Variants in SYNJ1 observed in about 807,000 individuals in gnomAD.
SYNJ1 encodes the protein polyphosphatidylinositol phosphatase SYNJ1.
In SYNJ1, 78 loss-of-function variants were observed where a neutral mutation model predicts 168.2. That is an observed-to-expected ratio of 0.46 (90% CI 0.39 to 0.56). The LOEUF is 0.56. Among genes scored for constraint, SYNJ1 ranks in the 20% least tolerant of loss-of-function variants. The pLI, the probability that SYNJ1 is intolerant of heterozygous loss-of-function variation, is 0.00. For missense variants in SYNJ1, 1,303 were observed against 1,597.6 expected (o/e 0.82, Z 3.14); for synonymous variants, 539 against 548.6 (o/e 0.98, Z 0.24).
In SYNJ1 at chr21:32,665,717, G is replaced by A. The variant is rs376029715; in HGVS notation, c.2145+226C>T. 2.6e-5 allele frequency among the ~76,000 whole-genome samples: 4 copies of A among 152,248 alleles called. No individual in the cohort carries two copies. The East Asian group carries it at 7.7e-4, about 29-fold the overall frequency. ...GGCACATGTCATTCTGAATTCTGGA[G>A]GCTATATCATGGCCACATCCTTAAC... On this transcript the variant is annotated intron_variant, in intron 17 of 32. Transcript: ENST00000674351.
At chr21:32,650,132 G>A in intron 23 of SYNJ1, 52 bp downstream of exon 23, 3 of 1,531,554 alleles carry the variant, frequency 2.0e-6, no homozygotes, top group Non-Finnish European at 2.6e-6. Context: ...TTTACAGATT[G>A]GAAGAAAACA....
intron 15 of SYNJ1, among the ~76,000 whole-genome samples, chr21:32,670,024 T>G (rs2041126998): frequency 6.6e-6 from 1 of 152,214 alleles, no homozygotes; most frequent in South Asian, 2.1e-4. Context: ...TTAAGTGAAT[T>G]AAATGTTTTT....
intron 2 of SYNJ1, among the ~76,000 whole-genome samples, chr21:32,713,181 T>C (rs546067522): frequency 6.6e-6 from 1 of 150,792 alleles, no homozygotes; most frequent in Non-Finnish European, 1.5e-5. Context: ...ATTTCCCATA[T>C]ATCAACATGG....
At chr21:32,685,068 G>T (rs1255502420) in intron 9 of SYNJ1, among the ~76,000 whole-genome samples, 1 of 151,248 alleles carries the variant, frequency 6.6e-6, no homozygotes, top group Non-Finnish European at 1.5e-5. Flanking sequence ...TGTAGTCCCA[G>T]CTACTCAGGA....
Position 32,707,978 on chromosome 21 carries a change from C to T in SYNJ1, c.125-5931G>A, listed in dbSNP as rs112752424. On this transcript the variant is annotated intron_variant, in intron 2 of 32. Coordinates refer to ENST00000674351, the MANE Select transcript of SYNJ1 (RefSeq NM_203446.3). ...GTTGCAGTGAGCCAAGATGTGCCAC[C>T]GCACTCCAGCCTGGGTGACACAGTG... Among the ~76,000 whole-genome samples, 20 of 152,172 alleles carry T rather than the reference C, an allele frequency of 1.3e-4. 1 individual carries two copies. The highest frequency in any genetic ancestry group is 4.1e-4 in the South Asian group (2 of 4,830).
intron 7 of SYNJ1, among the ~76,000 whole-genome samples, chr21:32,687,784 A>T (rs1010962283): frequency 4.6e-5 from 7 of 152,128 alleles, no homozygotes; most frequent in African/African-American, 1.7e-4. Context: ...AATCAAAACT[A>T]CAGTATTCCT....
chr21:32,696,098 T>C (rs2042203060), intron 4 of SYNJ1, among the ~76,000 whole-genome samples: 1 of 152,150 alleles, frequency 6.6e-6, no homozygotes, highest in Non-Finnish European at 1.5e-5. Flanking sequence ...GTGATCCACC[T>C]GCCTCGGCCT....
At chr21:32,689,804 A>G (rs2146120924) in intron 6 of SYNJ1, among the ~76,000 whole-genome samples, 1 of 152,330 alleles carries the variant, frequency 6.6e-6, no homozygotes, top group Middle Eastern at 3.4e-3. Context: ...TCTCTCTTTA[A>G]TTTTTAAATA....
chr21:32,694,692 T>C (rs192667448), intron 5 of SYNJ1, among the ~76,000 whole-genome samples: 119 of 152,344 alleles, frequency 7.8e-4, no homozygotes, highest in Non-Finnish European at 1.1e-3. Context: ...AATATCATAA[T>C]TTCTGATTTT....
chr21:32,696,541 T>C (rs945135149), intron 4 of SYNJ1, among the ~76,000 whole-genome samples: 8 of 152,088 alleles, frequency 5.3e-5, no homozygotes, highest in Admixed American at 3.9e-4. Flanking sequence ...GGAAAATACA[T>C]TGTTAAGTGG....
intron 23 of SYNJ1, 28 bp from the exon 24 acceptor site, chr21:32,646,630 T>C: frequency 1.9e-6 from 3 of 1,568,932 alleles, no homozygotes; most frequent in Non-Finnish European, 2.6e-6. Context: ...TGATCAGAGA[T>C]AACTCCATTT....
At position 32,646,521 on chromosome 21, in the gene SYNJ1, G is replaced by A. The variant is rs930892912; in HGVS notation, c.3119C>T (p.Thr1040Ile). Reference sequence around the variant, plus strand: ...AGTTCGGGGTGAAGAGCTGGGGGAAGTACCAAGGCCGGAACTTGAAGATGG... The same window carrying A: ...AGTTCGGGGTGAAGAGCTGGGGGAAATACCAAGGCCGGAACTTGAAGATGG... The part of the protein sequence containing the change: ...LQPSSSSGLG[T>I]SPSSSPRTSP... The change falls in exon 24 of 33, where the codon ACT becomes ATT. Residue 1040 changes from threonine to isoleucine, a missense_variant. By Grantham distance (89) the Thr-to-Ile change is moderately conservative. Coordinates refer to ENST00000674351, the MANE Select transcript of SYNJ1 (RefSeq NM_203446.3). 6.2e-7 allele frequency: 1 copy of A among 1,614,202 alleles called. No individual in the cohort carries two copies. The highest frequency in any genetic ancestry group is 8.5e-7 in the Non-Finnish European group (1 of 1,180,028).
chr21:32,679,080 T>C (rs966950030), intron 11 of SYNJ1, among the ~76,000 whole-genome samples: 2 of 152,152 alleles, frequency 1.3e-5, no homozygotes, highest in East Asian at 1.9e-4. Context: ...ATGTTTAAAA[T>C]TGCTTATTAC....
At position 32,678,771 on chromosome 21, in the gene SYNJ1, T is replaced by A. The variant is rs1307587376; in HGVS notation, c.1384A>T (p.Thr462Ser). 1 of 1,612,742 alleles carries A rather than the reference T, an allele frequency of 6.2e-7. No homozygotes were observed. The highest frequency in any genetic ancestry group is 8.5e-7 in the Non-Finnish European group (1 of 1,179,566). Residue 462 changes from threonine to serine, a missense_variant, in exon 12 of 33, where the codon ACA becomes TCA. This residue lies in a region of SYNJ1 where 920 missense variants were observed against 1,208.8 expected (regional missense o/e 0.76). Transcript: ENST00000674351. ...LKDGARSVTR[T>S]IQNNFFDSSK... Reference sequence around the variant, plus strand: ...CTGTCAAAGAAGTTATTCTGAATTGTTCGGGTAACAGAGCGAGCACCATCT... The same window carrying A: ...CTGTCAAAGAAGTTATTCTGAATTGATCGGGTAACAGAGCGAGCACCATCT...
intron 2 of SYNJ1, among the ~76,000 whole-genome samples, chr21:32,713,079 C>T (rs1467197482): frequency 1.3e-5 from 2 of 152,210 alleles, no homozygotes; most frequent in Non-Finnish European, 2.9e-5. Flanking sequence ...GACTACACTG[C>T]AACAAATATG....
chr21:32,727,900 G>A (rs1192093915), intron 1 of SYNJ1, 46 bp downstream of exon 1: 9 of 1,529,594 alleles, frequency 5.9e-6, no homozygotes, highest in South Asian at 3.6e-5. Context: ...CCGGCTGCCC[G>A]TGGGTCTGGC....
At chr21:32,647,993 A>C (rs537511635) in intron 23 of SYNJ1, among the ~76,000 whole-genome samples, 3 of 152,260 alleles carry the variant, frequency 2.0e-5, no homozygotes, top group African/African-American at 7.2e-5. Context: ...CACTTCACAG[A>C]GAAGAGGGAA....
intron 18 of SYNJ1, among the ~76,000 whole-genome samples, chr21:32,662,011 A>G (rs1291233762): frequency 6.6e-6 from 1 of 152,170 alleles, no homozygotes; most frequent in East Asian, 1.9e-4. Flanking sequence ...CTTTGCGGCC[A>G]CAGTGGAAAA....
chr21:32,650,032 G>A (rs2040217873), intron 23 of SYNJ1, 152 bp downstream of exon 23: 1 of 872,738 alleles, frequency 1.1e-6, no homozygotes, highest in African/African-American at 1.8e-5. Context: ...TTGCAGGCAT[G>A]AGCTGCCGCA....
Sources: allele counts gnomAD v4.1 joint callset (sites outside exome capture counted in the v4.1 genomes callset), GRCh38; gene constraint gnomAD v4.1.1; regional missense constraint gnomAD v4.1.1; transcripts MANE v1.5; gene names NCBI Gene and HGNC (gene_info 2026-07-23, HGNC 2026-07-21).